AURKA: variants seen among roughly 807,000 people sequenced by gnomAD.
The protein encoded by AURKA is aurora kinase A.
Under a neutral mutation model 40.9 loss-of-function variants are expected in AURKA, and 12 were observed. The observed-to-expected ratio is 0.29, with a 90% CI of 0.19 to 0.48. The LOEUF (loss-of-function observed/expected upper bound fraction) is 0.48. Among genes scored for constraint, AURKA ranks in the 20% least tolerant of loss-of-function variants. The pLI is 0.99. For missense variants in AURKA, 322 were observed against 462.1 expected (o/e 0.70, Z 2.78); for synonymous variants, 170 against 164.3 (o/e 1.03, Z -0.26).
chr20:56,375,197 T>C (rs528159101), intron 6 of AURKA, among the ~76,000 whole-genome samples: 2 of 152,104 alleles, frequency 1.3e-5, no homozygotes, highest in East Asian at 3.9e-4. Flanking sequence ...TGATCATACC[T>C]CACTGCAGCC....
intron 2 of AURKA, among the ~76,000 whole-genome samples, chr20:56,387,589 A>G (rs532736138): frequency 6.6e-6 from 1 of 152,340 alleles, no homozygotes; most frequent in Non-Finnish European, 1.5e-5. Flanking sequence ...GCTCATTGTA[A>G]GTGAGGGACA....
chr20:56,380,315 A>G (rs1180978992), intron 6 of AURKA, among the ~76,000 whole-genome samples: 1 of 149,864 alleles, frequency 6.7e-6, no homozygotes, highest in African/African-American at 2.4e-5. Context: ...AGATAGCGCC[A>G]CTGCACTCCA....
chr20:56,389,906 G>A (rs1156844525), intron 1 of AURKA, among the ~76,000 whole-genome samples: 1 of 152,100 alleles, frequency 6.6e-6, no homozygotes, highest in East Asian at 1.9e-4. Flanking sequence ...CTACCACCTG[G>A]TCAAACCATT....
At chr20:56,381,372 T>G in intron 6 of AURKA, 61 bp downstream of exon 6, 1 of 1,595,970 alleles carries the variant, frequency 6.3e-7, no homozygotes, top group Non-Finnish European at 8.6e-7. Context: ...GAAAGGTACA[T>G]TGCTATGGAG....
intron 2 of AURKA, among the ~76,000 whole-genome samples, chr20:56,387,068 T>C (rs2146207783): frequency 6.6e-6 from 1 of 152,338 alleles, no homozygotes; most frequent in African/African-American, 2.4e-5. Context: ...TGTTTCATTT[T>C]CCAAGTATTG....
rs2146203680 is a variant in AURKA at position 56,386,259 on chromosome 20, G to A, written c.317C>T (p.Pro106Leu). 1 of 1,614,250 alleles carries A rather than the reference G, an allele frequency of 6.2e-7. No homozygotes were observed. Among genetic ancestry groups the A allele is most frequent in the East Asian group, 2.2e-5 (1 of 44,890 alleles). ...QKSKQPLPSA[P>L]ENNPEEELAS... ...ATGAGTCTCAAAAGCTAGTTTACCA[G>A]GTGCCGATGGCAGGGGCTGCTTGCT... is the stretch of plus-strand genomic sequence containing the variant. The change falls in exon 3 of 9, where the codon CCT (proline) becomes CTT (leucine). Residue 106 changes from proline (P) to leucine (L), a missense_variant and splice_region_variant. Pro to Leu is a moderately conservative substitution (Grantham distance 98). Transcript: ENST00000395915.
At chr20:56,388,442 T>C (rs1986650449) in intron 1 of AURKA, 1 of 566,388 alleles carries the variant, frequency 1.8e-6, no homozygotes, top group Non-Finnish European at 3.2e-6. Context: ...CTGATGGTCT[T>C]GCTGCTCCAT....
intron 3 of AURKA, 40 bp downstream of exon 3, chr20:56,386,217 C>A: frequency 1.2e-6 from 2 of 1,613,446 alleles, no homozygotes; most frequent in South Asian, 2.2e-5. Flanking sequence ...GCAACGACGA[C>A]AAAGAAGGAC....
intron 2 of AURKA, 68 bp from the exon 3 acceptor site, chr20:56,386,601 C>T: frequency 1.3e-6 from 2 of 1,583,442 alleles, no homozygotes; most frequent in South Asian, 2.2e-5. Flanking sequence ...TTGAGAATTT[C>T]ACAAAGTTTG....
At chr20:56,391,190 T>G (rs78144904) in intron 1 of AURKA, among the ~76,000 whole-genome samples, 6 of 152,356 alleles carry the variant, frequency 3.9e-5, no homozygotes, top group Non-Finnish European at 8.8e-5. Flanking sequence ...TACGGTTTAT[T>G]CCTTCCTCCC....
At chr20:56,387,410 C>T (rs1019756943) in intron 2 of AURKA, among the ~76,000 whole-genome samples, 1 of 152,178 alleles carries the variant, frequency 6.6e-6, no homozygotes, top group Non-Finnish European at 1.5e-5. Context: ...CCTTGGTCTC[C>T]CAAAGTGCTG....
intron 6 of AURKA, among the ~76,000 whole-genome samples, chr20:56,378,076 A>T (rs575741370): frequency 4.6e-5 from 7 of 152,254 alleles, no homozygotes; most frequent in African/African-American, 1.7e-4. Flanking sequence ...CTGAGATGGG[A>T]GGATTGCTTG....
intron 6 of AURKA, among the ~76,000 whole-genome samples, chr20:56,377,510 C>A (rs79286553): frequency 1.3e-5 from 2 of 152,080 alleles, no homozygotes; most frequent in East Asian, 3.9e-4. Context: ...TGTTCAAGGC[C>A]GGGCGCAGTG....
chr20:56,371,238 G>A (rs1462553905), intron 7 of AURKA, among the ~76,000 whole-genome samples: 5 of 151,984 alleles, frequency 3.3e-5, no homozygotes, highest in Admixed American at 6.6e-5. Context: ...CGAGGGAGGC[G>A]GATCACGAGG....
intron 6 of AURKA, among the ~76,000 whole-genome samples, chr20:56,374,878 T>C (rs182936985): frequency 2.0e-5 from 3 of 152,280 alleles, no homozygotes; most frequent in Admixed American, 2.0e-4. Context: ...TGAAACCCTG[T>C]CTTTACTAAA....
At chr20:56,389,538 G>C (rs1361293238) in intron 1 of AURKA, among the ~76,000 whole-genome samples, 2 of 152,078 alleles carry the variant, frequency 1.3e-5, no homozygotes, top group African/African-American at 2.4e-5. Context: ...TTTGCTTTCA[G>C]TACCATCTAC....
intron 1 of AURKA, chr20:56,391,851 T>C (rs1288077370): frequency 1.3e-5 from 2 of 152,184 alleles, no homozygotes; most frequent in African/African-American, 4.8e-5. Flanking sequence ...TCTGTGCTTT[T>C]CTTACCCAGG....
chr20:56,390,218 A>C (rs1986897194), intron 1 of AURKA, among the ~76,000 whole-genome samples: 1 of 152,118 alleles, frequency 6.6e-6, no homozygotes, highest in African/African-American at 2.4e-5. Flanking sequence ...TCTGCAAATA[A>C]GTCCCCTGCC....
At chr20:56,371,383 A>T (rs1259673746) in intron 7 of AURKA, among the ~76,000 whole-genome samples, 1 of 151,368 alleles carries the variant, frequency 6.6e-6, no homozygotes, top group East Asian at 1.9e-4. Context: ...AATGGCGTGA[A>T]CCCGGGAGGC....
Sources: allele counts gnomAD v4.1 joint callset (sites outside exome capture counted in the v4.1 genomes callset), GRCh38; gene constraint gnomAD v4.1.1; transcripts MANE v1.5; gene names NCBI Gene and HGNC (gene_info 2026-07-23, HGNC 2026-07-21).